The following IRS1 variants were observed in gnomAD, a reference collection of about 807,000 sequenced individuals.
The protein encoded by IRS1 is insulin receptor substrate 1.
In IRS1, 34 loss-of-function variants were observed where a neutral mutation model predicts 65.6. That is an observed-to-expected ratio of 0.52 (90% CI 0.39 to 0.69). The LOEUF (loss-of-function observed/expected upper bound fraction) is 0.69. Among genes scored for constraint, IRS1 ranks in the 30% least tolerant of loss-of-function variants. The probability of loss-of-function intolerance (pLI) is 0.00; values close to 1 mark genes in which losing one functional copy is unlikely to be tolerated. For missense variants in IRS1, 1,641 were observed against 1,720.2 expected, an observed-to-expected ratio of 0.95 and a Z score of 0.81; for synonymous variants, 699 against 683.5, an observed-to-expected ratio of 1.02 and a Z score of -0.35.
chr2:226,777,645 T>G (rs541647064), intron 1 of IRS1, among the ~76,000 whole-genome samples: 1 of 152,316 alleles, frequency 6.6e-6, no homozygotes, highest in African/African-American at 2.4e-5. Context: ...GGGTCTTTCC[T>G]GTGCTGCTCT....
At chr2:226,791,827 C>T (rs889768551) in intron 1 of IRS1, among the ~76,000 whole-genome samples, 1 of 152,018 alleles carries the variant, frequency 6.6e-6, no homozygotes, top group East Asian at 1.9e-4. Flanking sequence ...ACCACGCGGC[C>T]CGGGAAGGGG....
In IRS1 at chr2:226,797,841, T is replaced by C; in HGVS notation, c.898A>G (p.Thr300Ala). The stretch of plus-strand genomic sequence containing the variant: ...ATGCTCTCAGTGCGTGATCGGCGGG[T>C]CAGCCCCACCTGGCTGGGCGGGGGA... ...NNPPPSQVGL[T>A]RRSRTESITA... Residue 300 changes from threonine to alanine, a missense_variant, in exon 1 of 2, where the codon ACC becomes GCC. Transcript: ENST00000305123. The surrounding 1 kb of genome is among the most constrained non-coding windows in gnomAD (Gnocchi z 8.1). 1 of 1,579,790 alleles carries C rather than the reference T, an allele frequency of 6.3e-7. No homozygotes were observed. Among genetic ancestry groups the C allele is most frequent in the Non-Finnish European group, 8.6e-7 (1 of 1,167,448 alleles).
At chr2:226,742,302 T>C (rs1938454616) in intron 1 of IRS1, among the ~76,000 whole-genome samples, 1 of 152,194 alleles carries the variant, frequency 6.6e-6, no homozygotes, top group African/African-American at 2.4e-5. Flanking sequence ...GAGCTAAAGT[T>C]AGAGGTAAGA....
chr2:226,754,940 A>G (rs1938764833), intron 1 of IRS1, among the ~76,000 whole-genome samples: 1 of 152,334 alleles, frequency 6.6e-6, no homozygotes, highest in African/African-American at 2.4e-5. Context: ...CATTTCCAGA[A>G]GAGTCTAGAC....
intron 1 of IRS1, among the ~76,000 whole-genome samples, chr2:226,753,246 T>A (rs1232227176): frequency 6.6e-6 from 1 of 152,224 alleles, no homozygotes; most frequent in Non-Finnish European, 1.5e-5. Flanking sequence ...ATTGCCAAAT[T>A]ACCACTGTTT....
At chr2:226,786,676 A>C (rs73992219) in intron 1 of IRS1, among the ~76,000 whole-genome samples, 6,612 of 149,854 alleles carry the variant, frequency 0.044, 239 homozygotes, top group African/African-American at 0.091. Flanking sequence ...ACAAAAAAAA[A>C]CCAAAAAAAA....
intron 1 of IRS1, among the ~76,000 whole-genome samples, chr2:226,767,647 G>C (rs1221462746): frequency 6.6e-6 from 1 of 152,244 alleles, no homozygotes; most frequent in Non-Finnish European, 1.5e-5. Flanking sequence ...AAAGGGCCTG[G>C]TTTGACCAAT....
In IRS1 at chr2:226,798,376, G is replaced by T. The variant is rs772845560; in HGVS notation, c.363C>A (p.His121Gln). The part of the protein sequence containing the change: ...LQLHNRAKGH[H>Q]DGAAALGAGG... ...CCGCCCCGAGGGCCGCAGCTCCGTC[G>T]TGGTGGCCCTTAGCACGGTTGTGCA... Residue 121 changes from histidine to glutamine, a missense_variant, in exon 1 of 2, where the codon CAC (histidine) becomes CAA (glutamine). Around this residue, in one of 3 missense-constraint regions of IRS1, gnomAD observed 240 missense variants for 229.6 expected, o/e 1.05. Transcript: ENST00000305123. The surrounding 1 kb of genome is among the most constrained non-coding windows in gnomAD (Gnocchi z 9.4). 16 of 1,613,748 alleles carry T rather than the reference G, an allele frequency of 9.9e-6. No individual in the cohort carries two copies. The highest frequency in any genetic ancestry group is 1.2e-5 in the Non-Finnish European group (14 of 1,179,982).
At chr2:226,777,348 A>G (rs936149285) in intron 1 of IRS1, among the ~76,000 whole-genome samples, 2 of 152,246 alleles carry the variant, frequency 1.3e-5, no homozygotes, top group African/African-American at 4.8e-5. Context: ...GTTAAAAATG[A>G]GTGATAAAAC....
intron 1 of IRS1, among the ~76,000 whole-genome samples, chr2:226,769,515 C>G (rs909687007): frequency 2.0e-5 from 3 of 152,206 alleles, no homozygotes; most frequent in African/African-American, 7.2e-5. Flanking sequence ...GTCCTTCCAG[C>G]CAACCAGACA....
In IRS1 at chr2:226,734,626, T is replaced by C. The variant is rs896896952; in HGVS notation, c.*1646A>G. ...AATAAAATGTTGCTCCTCCCAATAG[T>C]AGGGATGCGAATTCCTGATAGAGAG... On this transcript the variant is annotated 3_prime_UTR_variant, in exon 2 of 2. Transcript: ENST00000305123. 3.3e-5 allele frequency: 5 copies of C among 152,274 alleles called. No homozygotes were observed. The highest frequency in any genetic ancestry group is 7.4e-5 in the Non-Finnish European group (5 of 68,016). The allele number at this position is 152,274 out of a possible 1,614,324, so 9.4% of individuals were successfully genotyped here.
chr2:226,742,540 G>T (rs1455069594), intron 1 of IRS1, among the ~76,000 whole-genome samples: 1 of 152,098 alleles, frequency 6.6e-6, no homozygotes, highest in Non-Finnish European at 1.5e-5. Context: ...AAAATAACAA[G>T]GTTGCTGGCC....
intron 1 of IRS1, among the ~76,000 whole-genome samples, chr2:226,753,894 C>T (rs1938739373): frequency 6.6e-6 from 1 of 152,104 alleles, no homozygotes; most frequent in Non-Finnish European, 1.5e-5. Flanking sequence ...GCTCTGTCAC[C>T]CAGGCTGGAA....
intron 1 of IRS1, among the ~76,000 whole-genome samples, chr2:226,744,691 G>A (rs1462659892): frequency 6.6e-6 from 1 of 152,134 alleles, no homozygotes; most frequent in East Asian, 1.9e-4. Context: ...TGCTCTTTAT[G>A]AGAAAATAAT....
chr2:226,788,971 TG>T (rs926968010), intron 1 of IRS1, among the ~76,000 whole-genome samples: 26 of 152,238 alleles, frequency 1.7e-4, no homozygotes, highest in African/African-American at 6.0e-4. Context: ...AATACTAGTA[TG>T]AAAAAAAGTT....
At chr2:226,751,037 G>A (rs1364122787) in intron 1 of IRS1, among the ~76,000 whole-genome samples, 4 of 152,120 alleles carry the variant, frequency 2.6e-5, no homozygotes, top group Non-Finnish European at 5.9e-5. Context: ...GGGCCAATAA[G>A]GAGGCTACAC....
rs1410015778 is a variant in IRS1 at position 226,796,212 on chromosome 2, G to C, written c.2527C>G (p.Arg843Gly). The C allele has an allele frequency of 1.2e-6, 2 of 1,613,346 alleles. No individual in the cohort carries two copies. The highest frequency in any genetic ancestry group is 1.7e-5 in the Admixed American group (1 of 60,010). The change falls in exon 1 of 2, where the codon CGA becomes GGA. Residue 843 changes from arginine (R) to glycine (G), a missense_variant. Physicochemically the swap from Arg to Gly is moderately radical, Grantham distance 125. Coordinates refer to ENST00000305123, the MANE Select transcript of IRS1 (RefSeq NM_005544.3). Reference protein sequence around the residue: ...HHQVLQPHLPRKVDTAAQTNS... With the variant: ...HHQVLQPHLPGKVDTAAQTNS... ...GTCTGAGCAGCTGTGTCCACCTTTC[G>C]AGGCAGATGGGGCTGCAGAACCTGA...
intron 1 of IRS1, among the ~76,000 whole-genome samples, chr2:226,749,142 T>C (rs185419499): frequency 3.9e-5 from 6 of 152,316 alleles, no homozygotes; most frequent in Non-Finnish European, 7.4e-5. Flanking sequence ...TATGGTGAAA[T>C]CTGCTTATTC....
intron 1 of IRS1, among the ~76,000 whole-genome samples, chr2:226,767,652 A>G (rs548984532): frequency 3.9e-5 from 6 of 152,352 alleles, no homozygotes; most frequent in Admixed American, 3.9e-4. Context: ...GCCTGGTTTG[A>G]CCAATGGGTA....
Sources: allele counts gnomAD v4.1 joint callset (sites outside exome capture counted in the v4.1 genomes callset), GRCh38; gene constraint gnomAD v4.1.1; regional missense constraint gnomAD v4.1.1; non-coding constraint Gnocchi (gnomAD v3.1); transcripts MANE v1.5; gene names NCBI Gene and HGNC (gene_info 2026-07-23, HGNC 2026-07-21).